The following FRZB variants were observed in gnomAD, a reference collection of about 807,000 sequenced individuals.
FRZB encodes the protein secreted frizzled-related protein 3.
FRZB carries 34 observed loss-of-function variants against 32.5 expected under a neutral mutation model. The observed-to-expected ratio is 1.05, with a 90% confidence interval of 0.80 to 1.39. FRZB has a LOEUF of 1.39. Among genes scored for constraint, FRZB ranks in the 40% most tolerant of loss-of-function variants. FRZB has a pLI of 0.00. For missense variants in FRZB, 423 were observed against 424.8 expected (o/e 1.00, Z 0.04); for synonymous variants, 170 against 159.2 (o/e 1.07, Z -0.51).
chr2:182,845,122 G>A (rs1695626332), intron 2 of FRZB, among the ~76,000 whole-genome samples: 1 of 152,106 alleles, frequency 6.6e-6, no homozygotes, highest in African/African-American at 2.4e-5. Context: ...GGTTATTCAT[G>A]AAAAGGGTAT....
At chr2:182,855,740 T>C (rs1471324455) in intron 2 of FRZB, among the ~76,000 whole-genome samples, 1 of 152,166 alleles carries the variant, frequency 6.6e-6, no homozygotes, top group East Asian at 1.9e-4. Flanking sequence ...AAATAATTCC[T>C]AAGCACTTCT....
At chr2:182,850,379 G>A (rs531791081) in intron 2 of FRZB, among the ~76,000 whole-genome samples, 2 of 151,988 alleles carry the variant, frequency 1.3e-5, no homozygotes, top group Admixed American at 1.3e-4. Flanking sequence ...CCTCCTCCAC[G>A]CTACCATTCC....
Position 182,852,952 on chromosome 2 carries a change from G to A in FRZB, c.526+5834C>T, listed in dbSNP as rs535731901. Among the ~76,000 whole-genome samples the A allele has an allele frequency of 5.9e-5, 9 of 152,324 alleles. No homozygotes were observed. The South Asian group carries it at 1.7e-3, about 28-fold the overall frequency. On this transcript the variant is annotated intron_variant, in intron 2 of 5. Coordinates refer to ENST00000295113, the MANE Select transcript of FRZB (RefSeq NM_001463.4). Reference sequence around the variant, plus strand: ...CTTTTCCAAATTCCAGACAGAAACAGCTTGACACTTTGGAAAGAGGTCCTT... The same window carrying A: ...CTTTTCCAAATTCCAGACAGAAACAACTTGACACTTTGGAAAGAGGTCCTT...
chr2:182,856,817 G>A (rs1695774998), intron 2 of FRZB, among the ~76,000 whole-genome samples: 1 of 150,312 alleles, frequency 6.7e-6, no homozygotes. Context: ...AATACATGAA[G>A]CAAAACTGAC....
intron 1 of FRZB, among the ~76,000 whole-genome samples, chr2:182,860,504 T>G (rs1470130284): frequency 1.3e-5 from 2 of 152,114 alleles, no homozygotes; most frequent in East Asian, 3.9e-4. Context: ...GAAGGGAATT[T>G]GAGTCAGAGT....
In FRZB at chr2:182,834,228, T is replaced by G. The variant is rs2105749561; in HGVS notation, c.*621A>C. 1.3e-5 allele frequency: 2 copies of G among 152,466 alleles called. 1 individual carries two copies. The highest frequency in any genetic ancestry group is 4.1e-4 in the South Asian group (2 of 4,832). The allele number at this position is 152,466 out of a possible 1,614,324, so 9.4% of individuals were successfully genotyped here. The stretch of plus-strand genomic sequence containing the variant: ...GGCAAAATGTTCTTTCTTAAGCTCC[T>G]ATTTATTTTACTTCCTGACAGTCTC... On this transcript the variant is annotated 3_prime_UTR_variant, in exon 6 of 6. Coordinates refer to ENST00000295113, the MANE Select transcript of FRZB (RefSeq NM_001463.4).
chr2:182,861,984 C>A (rs1012206995), intron 1 of FRZB, among the ~76,000 whole-genome samples: 2 of 152,186 alleles, frequency 1.3e-5, no homozygotes, highest in Non-Finnish European at 2.9e-5. Context: ...AATGAAGGAT[C>A]CTCAGAAGCA....
Position 182,833,437 on chromosome 2 carries a change from G to A in FRZB, c.*1412C>T, listed in dbSNP as rs891946574. 6.6e-6 allele frequency: 1 copy of A among 152,144 alleles called. No individual in the cohort carries two copies. The highest frequency in any genetic ancestry group is 2.4e-5 in the African/African-American group (1 of 41,422). The allele number at this position is 152,144 out of a possible 1,614,324, so 9.4% of individuals were successfully genotyped here. A position where few individuals can be genotyped will look rare whatever the true frequency, so the allele number is the denominator to read the frequency against. On this transcript the variant is annotated 3_prime_UTR_variant, in exon 6 of 6. Coordinates refer to ENST00000295113, the MANE Select transcript of FRZB (RefSeq NM_001463.4). ...GAAGTACAGATGCTCCGCCATTTAC[G>A]ATGGGGTTACATCTGGATAAACCCA... is the stretch of plus-strand genomic sequence containing the variant.
At chr2:182,835,221 T>C (rs1026986732) in intron 5 of FRZB, among the ~76,000 whole-genome samples, 2 of 152,150 alleles carry the variant, frequency 1.3e-5, no homozygotes, top group Non-Finnish European at 2.9e-5. Flanking sequence ...AAAATGTCCA[T>C]GTCTATAAAT....
rs140130306 is a variant in FRZB at position 182,860,179 on chromosome 2, A to T, written c.479-1346T>A. Among the ~76,000 whole-genome samples the T allele has an allele frequency of 8.9e-3, 1,348 of 152,296 alleles. 17 individuals carry two copies. The highest frequency in any genetic ancestry group is 0.026 in the African/African-American group (1,099 of 41,566). On this transcript the variant is annotated intron_variant, in intron 1 of 5. Coordinates refer to ENST00000295113, the MANE Select transcript of FRZB (RefSeq NM_001463.4). ...TTCTTCCATTCTTATTCAAAGGAAA[A>T]TGTTTCTACGCTTTTACAAATGCTT...
In FRZB at chr2:182,846,374, T is replaced by A. The variant is rs141009327; in HGVS notation, c.527-3831A>T. On this transcript the variant is annotated intron_variant, in intron 2 of 5. Transcript: ENST00000295113. Reference sequence around the variant, plus strand: ...ACTTCATCAGATCCCCAAACTCTCATAACCTTTCATGTACCATGACTTTGG... The same window carrying A: ...ACTTCATCAGATCCCCAAACTCTCAAAACCTTTCATGTACCATGACTTTGG... Among the ~76,000 whole-genome samples, 9 of 152,310 alleles carry A rather than the reference T, an allele frequency of 5.9e-5. No individual in the cohort carries two copies. The East Asian group carries it at 1.7e-3, about 29-fold the overall frequency.
chr2:182,833,466 G>A lies in FRZB; in HGVS notation c.*1383C>T, dbSNP rs1321136498. ...GGGTTACATCTGGATAAACCCATTC[G>A]AAACTGAAAATATCGTAAGTTGAAA... On this transcript the variant is annotated 3_prime_UTR_variant, in exon 6 of 6. Transcript: ENST00000295113. 3.3e-5 allele frequency: 5 copies of A among 152,102 alleles called. No individual in the cohort carries two copies. The highest frequency in any genetic ancestry group is 7.4e-5 in the Non-Finnish European group (5 of 68,014). 9.4% of individuals were successfully genotyped at this position (152,102 alleles called of 1,614,324 possible).
At chr2:182,844,960 C>T (rs1025081447) in intron 2 of FRZB, among the ~76,000 whole-genome samples, 10 of 151,888 alleles carry the variant, frequency 6.6e-5, no homozygotes, top group Admixed American at 6.6e-4. Context: ...TGTCCCAATC[C>T]CTAGCTCTTG....
intron 3 of FRZB, among the ~76,000 whole-genome samples, chr2:182,839,499 G>A (rs890624167): frequency 2.0e-5 from 3 of 151,844 alleles, no homozygotes; most frequent in African/African-American, 7.3e-5. Flanking sequence ...TCTCTCAATG[G>A]ATATATTGGC....
intron 2 of FRZB, among the ~76,000 whole-genome samples, chr2:182,851,278 AAAGTTTCAGTACT>A (rs1283276698): frequency 6.6e-6 from 1 of 152,230 alleles, no homozygotes; most frequent in Non-Finnish European, 1.5e-5. Context: ...AAAACCAAAT[AAAGTTTCAGTACT>A]AGGGACTTAG....
chr2:182,844,254 A>C (rs376882676), intron 2 of FRZB, among the ~76,000 whole-genome samples: 11 of 152,042 alleles, frequency 7.2e-5, no homozygotes, highest in African/African-American at 2.7e-4. Flanking sequence ...GCCAATAAAC[A>C]ATGAGTAACA....
chr2:182,847,578 C>A (rs181615684), intron 2 of FRZB, among the ~76,000 whole-genome samples: 1 of 152,170 alleles, frequency 6.6e-6, no homozygotes, highest in Middle Eastern at 3.4e-3. Flanking sequence ...ATCCACTACA[C>A]AAGAAGGAAA....
intron 2 of FRZB, among the ~76,000 whole-genome samples, chr2:182,854,910 A>C (rs923378517): frequency 1.3e-5 from 2 of 152,206 alleles, no homozygotes; most frequent in African/African-American, 4.8e-5. Flanking sequence ...GGAGCCTGGG[A>C]AAGGATTTTG....
At chr2:182,855,188 A>C (rs923242798) in intron 2 of FRZB, among the ~76,000 whole-genome samples, 11 of 152,226 alleles carry the variant, frequency 7.2e-5, no homozygotes, top group African/African-American at 2.7e-4. Context: ...AAAATTAAAA[A>C]AAGAAAATCA....
Sources: allele counts gnomAD v4.1 joint callset (sites outside exome capture counted in the v4.1 genomes callset), GRCh38; gene constraint gnomAD v4.1.1; transcripts MANE v1.5; gene names NCBI Gene and HGNC (gene_info 2026-07-23, HGNC 2026-07-21).